FRAS1: variants seen among roughly 807,000 people sequenced by gnomAD.
The protein encoded by FRAS1 is extracellular matrix organizing protein FRAS1.
In FRAS1, 290 loss-of-function variants were observed where a neutral mutation model predicts 435.2. The observed-to-expected ratio is 0.67, with a 90% CI of 0.61 to 0.73. FRAS1 has a LOEUF of 0.73. FRAS1 is among the 30% of genes least tolerant of loss of function. The probability of loss-of-function intolerance (pLI) is 0.00; values close to 1 mark genes in which losing one functional copy is unlikely to be tolerated. For missense variants in FRAS1, 4,860 were observed against 5,001.5 expected (o/e 0.97, Z 0.85); for synonymous variants, 1,800 against 1,851.0 (o/e 0.97, Z 0.71).
At chr4:78,373,364 G>C (rs968429743) in intron 24 of FRAS1, among the ~76,000 whole-genome samples, 1 of 151,708 alleles carries the variant, frequency 6.6e-6, no homozygotes, top group South Asian at 2.1e-4. Flanking sequence ...GCATTCCTAG[G>C]AGTATTCCTG....
chr4:78,110,397 A>G (rs1742640688), intron 2 of FRAS1, among the ~76,000 whole-genome samples: 1 of 123,004 alleles, frequency 8.1e-6, no homozygotes, highest in Non-Finnish European at 1.7e-5. Flanking sequence ...TGGTACCAAA[A>G]CAGAGATATA....
At chr4:78,203,872 C>T (rs1723147627) in intron 2 of FRAS1, among the ~76,000 whole-genome samples, 1 of 152,178 alleles carries the variant, frequency 6.6e-6, no homozygotes, top group African/African-American at 2.4e-5. Context: ...CTGGCCTCCT[C>T]TTGTTTCCTA....
At chr4:78,200,469 T>G (rs1316160246) in intron 2 of FRAS1, among the ~76,000 whole-genome samples, 1 of 152,210 alleles carries the variant, frequency 6.6e-6, no homozygotes, top group Non-Finnish European at 1.5e-5. Context: ...CAGGGCAAGC[T>G]TGAGTGAAGA....
chr4:78,363,600 T>C lies in FRAS1; in HGVS notation c.2510T>C (p.Leu837Pro). 1 of 1,609,780 alleles carries C rather than the reference T, an allele frequency of 6.2e-7. No individual in the cohort carries two copies. The highest frequency in any genetic ancestry group is 8.5e-7 in the Non-Finnish European group (1 of 1,178,066). ...AGGTGCCAGAATGCCCACTACCTGC[T>C]GCTCGGGGACCACTGTGTTCCTGAC... ...CLRCQNAHYLLLGDHCVPDCP... is the reference protein window; with the variant it reads ...CLRCQNAHYLPLGDHCVPDCP... Residue 837 changes from leucine to proline, a missense_variant, in exon 21 of 74, where the codon CTG becomes CCG. Leu to Pro is a moderately conservative substitution (Grantham distance 98, BLOSUM62 -3). Transcript: ENST00000512123.
intron 2 of FRAS1, among the ~76,000 whole-genome samples, chr4:78,146,317 A>C (rs969118294): frequency 6.6e-6 from 1 of 152,180 alleles, no homozygotes; most frequent in African/African-American, 2.4e-5. Context: ...TAACATGCTT[A>C]CTTATACTGC....
intron 2 of FRAS1, among the ~76,000 whole-genome samples, chr4:78,072,513 G>A (rs1740408887): frequency 6.6e-6 from 1 of 152,126 alleles, no homozygotes; most frequent in African/African-American, 2.4e-5. Flanking sequence ...AGTGGCTGCT[G>A]TTGAAACATC....
chr4:78,219,729 C>G (rs904860662), intron 2 of FRAS1, among the ~76,000 whole-genome samples: 6 of 152,176 alleles, frequency 3.9e-5, no homozygotes, highest in African/African-American at 1.4e-4. Flanking sequence ...CTTGCTGCTA[C>G]AAATTTGGAA....
chr4:78,155,821 TAGGGTGAAATCCATGGACTCGTAC>T (rs1720860367), intron 2 of FRAS1, among the ~76,000 whole-genome samples: 1 of 152,150 alleles, frequency 6.6e-6, no homozygotes, highest in Admixed American at 6.5e-5. Flanking sequence ...ATTTCTTGTG[TAGGGTGAAATCCATGGACTCGTAC>T]AGAGTTGGTG....
chr4:78,398,100 G>A (rs1192292090), intron 29 of FRAS1, among the ~76,000 whole-genome samples: 1 of 147,500 alleles, frequency 6.8e-6, no homozygotes, highest in Non-Finnish European at 1.5e-5. Flanking sequence ...CTCTTATTCT[G>A]CCATCTTGCT....
intron 2 of FRAS1, among the ~76,000 whole-genome samples, chr4:78,231,131 A>AT (rs1456188224): frequency 6.6e-6 from 1 of 151,194 alleles, no homozygotes; most frequent in African/African-American, 2.4e-5. Flanking sequence ...TTTTTTTTCT[A>AT]TTTTTAGTAG....
At chr4:78,366,917 C>T (rs1288741698) in intron 22 of FRAS1, among the ~76,000 whole-genome samples, 2 of 152,180 alleles carry the variant, frequency 1.3e-5, no homozygotes, top group African/African-American at 4.8e-5. Context: ...GCCATTTACT[C>T]ATTACTTTGG....
At chr4:78,084,589 T>G (rs1179259191) in intron 2 of FRAS1, among the ~76,000 whole-genome samples, 1 of 152,148 alleles carries the variant, frequency 6.6e-6, no homozygotes, top group Non-Finnish European at 1.5e-5. Flanking sequence ...CTTTGGATAG[T>G]GAGAACCTCT....
intron 14 of FRAS1, among the ~76,000 whole-genome samples, chr4:78,302,352 G>T (rs1439670131): frequency 6.6e-6 from 1 of 151,056 alleles, no homozygotes. Flanking sequence ...ATGATTTATA[G>T]TCCTTTGGGT....
rs568180054 is a variant in FRAS1, at chr4:78,181,137, A to G, written c.109-56373A>G. ...TTTATGAAAACAAATCCCTTCTTCC[A>G]CTGCCCATCAGCACCTTCATTTGGT... On this transcript the variant is annotated intron_variant, in intron 2 of 73. Coordinates refer to ENST00000512123, the MANE Select transcript of FRAS1 (RefSeq NM_025074.7). 7.0e-6 allele frequency: 11 copies of G among 1,578,708 alleles called. No individual in the cohort carries two copies. In the African/African-American group the frequency reaches 1.1e-4, roughly 15 times the overall value.
intron 67 of FRAS1, among the ~76,000 whole-genome samples, chr4:78,521,008 T>A (rs1233224402): frequency 2.0e-5 from 3 of 152,220 alleles, no homozygotes; most frequent in African/African-American, 7.2e-5. Context: ...CTGGGGACCA[T>A]GACTACAATT....
chr4:78,151,738 A>G (rs1034884802), intron 2 of FRAS1, among the ~76,000 whole-genome samples: 5 of 152,230 alleles, frequency 3.3e-5, no homozygotes, highest in African/African-American at 4.8e-5. Flanking sequence ...CTTACAAAAG[A>G]AAAAGCATTC....
intron 2 of FRAS1, among the ~76,000 whole-genome samples, chr4:78,230,566 C>A (rs1305252336): frequency 1.3e-5 from 2 of 152,176 alleles, no homozygotes; most frequent in Non-Finnish European, 2.9e-5. Context: ...GGTTCCCTGA[C>A]AAACAAGGAC....
chr4:78,105,551 C>A (rs980273853), intron 2 of FRAS1, among the ~76,000 whole-genome samples: 2 of 152,096 alleles, frequency 1.3e-5, no homozygotes, highest in Non-Finnish European at 2.9e-5. Context: ...TTATAAAGAC[C>A]GATACGAATT....
chr4:78,265,482 C>T (rs909017501), intron 7 of FRAS1, among the ~76,000 whole-genome samples: 4 of 152,050 alleles, frequency 2.6e-5, no homozygotes, highest in African/African-American at 7.3e-5. Flanking sequence ...ATCTGGAGAC[C>T]GTCCCCTCAC....
Sources: gnomAD v4.1 joint callset for allele counts (sites outside exome capture counted in the v4.1 genomes callset) on GRCh38, gnomAD v4.1.1 for gene constraint, MANE v1.5 for transcripts, NCBI Gene and HGNC (gene_info 2026-07-23, HGNC 2026-07-21) for gene names.